RCC1: variants seen among roughly 807,000 people sequenced by gnomAD.
The protein encoded by RCC1 is regulator of chromosome condensation.
In RCC1, 11 loss-of-function variants were observed where a neutral mutation model predicts 44.4. The observed-to-expected ratio is 0.25, with a 90% CI of 0.16 to 0.41. The LOEUF (loss-of-function observed/expected upper bound fraction) is 0.41, where lower values mean the gene tolerates loss of function less well. Ranked by LOEUF, RCC1 falls within the 10% of genes least tolerant of loss-of-function variation. RCC1 has a pLI of 1.00. For synonymous variants in RCC1, 213 were observed against 216.5 expected, an observed-to-expected ratio of 0.98 and a Z score of 0.14; for missense variants, 386 against 547.1, an observed-to-expected ratio of 0.71 and a Z score of 2.94.
chr1:28,521,301 A>G (rs1393969236), intron 4 of RCC1, among the ~76,000 whole-genome samples: 1 of 151,822 alleles, frequency 6.6e-6, no homozygotes, highest in African/African-American at 2.4e-5. Flanking sequence ...GGAGATCGAG[A>G]CCATCCTGGC....
rs1332649259 is a variant in RCC1 at position 28,526,833 on chromosome 1, G to C, written c.-9-3025G>C. On this transcript the variant is annotated intron_variant, in intron 4 of 12. Transcript: ENST00000683442. ...ATTGGCTTGAACCCAGGAGGGGGAG[G>C]TTGCAGTGAGCCGAGATCGTGCCAC... 4 of 599,246 alleles carry C rather than the reference G, an allele frequency of 6.7e-6. No homozygotes were observed. In the East Asian group the frequency reaches 1.1e-4, roughly 17 times the overall value. The allele number at this position is 599,246 out of a possible 1,614,324, so 37.1% of individuals were successfully genotyped here.
chr1:28,533,872 TTTTTTTTTTTTTTTTTTTTTTTTGA>T (rs1664368408), intron 7 of RCC1, among the ~76,000 whole-genome samples: 1 of 23,782 alleles, frequency 4.2e-5, no homozygotes, highest in African/African-American at 3.3e-4. Context: ...TTTTTTTTTT[TTTTTTTTTTTTTTTTTTTTTTTTGA>T]GACAGAGTCT....
intron 1 of RCC1, chr1:28,507,554 A>G (rs1662081830): frequency 1.9e-6 from 1 of 517,766 alleles, no homozygotes; most frequent in African/African-American, 1.9e-5. Flanking sequence ...GGGGAGACAA[A>G]CCATGCAGGA....
chr1:28,509,746 T>TA (rs1662358083), intron 3 of RCC1: 1 of 152,200 alleles, frequency 6.6e-6, no homozygotes, highest in Non-Finnish European at 1.5e-5. Flanking sequence ...CCCTGAAACC[T>TA]AGTCTCAGGT....
chr1:28,533,256 C>T (rs1377887530), intron 7 of RCC1, among the ~76,000 whole-genome samples: 1 of 149,766 alleles, frequency 6.7e-6, no homozygotes, highest in African/African-American at 2.5e-5. Flanking sequence ...CAGATCACGA[C>T]GTCAGGAGAT....
Position 28,508,837 on chromosome 1 carries a change from G to A in RCC1, c.-221G>A, listed in dbSNP as rs1254178886. On this transcript the variant is annotated 5_prime_UTR_variant, in exon 3 of 13. Transcript: ENST00000683442. ...TTATTTCTTTTCTTTTAGGAGAGAA[G>A]ACGATCTGCACTTCGCATTTTGGCA... 2 of 517,450 alleles carry A rather than the reference G, an allele frequency of 3.9e-6. No homozygotes were observed. The highest frequency in any genetic ancestry group is 7.7e-6 in the Non-Finnish European group (2 of 259,260). 32.1% of individuals were successfully genotyped at this position (517,450 alleles called of 1,614,324 possible). A position where few individuals can be genotyped will look rare whatever the true frequency, so the allele number is the denominator to read the frequency against.
intron 4 of RCC1, among the ~76,000 whole-genome samples, chr1:28,519,502 C>T (rs535790432): frequency 6.6e-6 from 1 of 152,296 alleles, no homozygotes; most frequent in East Asian, 1.9e-4. Context: ...GGGCAACCCA[C>T]CCAGTCCCCC....
rs375267111 is a variant in RCC1 at position 28,511,410 on chromosome 1, T to G, written c.-153+2505T>G. 1.8e-3 allele frequency among the ~76,000 whole-genome samples: 262 copies of G among 144,970 alleles called. 2 individuals carry two copies. The highest frequency in any genetic ancestry group is 0.011 in the East Asian group (56 of 5,176). ...TCCAATTTTTTGTTTTTTGTTTTTT[T>G]TTTTTTTTGAGAGGGAGTCTCGCTC... On this transcript the variant is annotated intron_variant, in intron 3 of 12. Coordinates refer to ENST00000683442, the MANE Select transcript of RCC1 (RefSeq NM_001381865.2).
At chr1:28,519,868 C>T (rs947964601) in intron 4 of RCC1, among the ~76,000 whole-genome samples, 4 of 151,258 alleles carry the variant, frequency 2.6e-5, no homozygotes, top group Admixed American at 6.6e-5. Context: ...CCACCGCACC[C>T]GGCCAATTTT....
chr1:28,533,813 C>A (rs1570220523), intron 7 of RCC1, among the ~76,000 whole-genome samples: 1 of 104,318 alleles, frequency 9.6e-6, no homozygotes, highest in Non-Finnish European at 2.0e-5. Context: ...ATCAGAATAT[C>A]AGAATTATAT....
intron 3 of RCC1, 27 bp downstream of exon 3, chr1:28,508,932 G>A (rs767932223): frequency 2.0e-6 from 1 of 499,606 alleles, no homozygotes; most frequent in Admixed American, 2.1e-5. Context: ...TTTTAACAGG[G>A]AGGGTTTGAC....
At chr1:28,518,538 C>G (rs1663049748) in intron 4 of RCC1, 1 of 148,788 alleles carries the variant, frequency 6.7e-6, no homozygotes, top group Non-Finnish European at 1.5e-5. Context: ...CTCGCTGGAG[C>G]TAGGGCCGCG....
At chr1:28,512,075 A>ACCTCC (rs1466098913) in intron 3 of RCC1, among the ~76,000 whole-genome samples, 2 of 148,662 alleles carry the variant, frequency 1.3e-5, no homozygotes, top group Non-Finnish European at 3.0e-5. Flanking sequence ...CCTGGGTTCA[A>ACCTCC]GCGATTCTCC....
chr1:28,526,496 A>T (rs1663672779), intron 4 of RCC1: 2 of 581,774 alleles, frequency 3.4e-6, no homozygotes, highest in Middle Eastern at 2.9e-4. Context: ...CAAGACGGCT[A>T]AAGTGGGAAT....
At chr1:28,531,164 G>A (rs1289220612) in intron 5 of RCC1, among the ~76,000 whole-genome samples, 1 of 151,488 alleles carries the variant, frequency 6.6e-6, no homozygotes, top group African/African-American at 2.4e-5. Flanking sequence ...GGGAGGCAGA[G>A]GTTGCAATTA....
chr1:28,519,570 A>T (rs1663140579), intron 4 of RCC1, among the ~76,000 whole-genome samples: 1 of 145,718 alleles, frequency 6.9e-6, no homozygotes, highest in South Asian at 2.2e-4. Context: ...TGAGGATATA[A>T]TTTTTTTTTT....
intron 1 of RCC1, chr1:28,506,493 T>C (rs917488230): frequency 3.1e-6 from 1 of 322,056 alleles, no homozygotes. Context: ...CCGGAAATCA[T>C]GTAATTTAAA....
rs1013247544 is a variant in RCC1, at chr1:28,535,347, T to G, written c.628T>G (p.Leu210Val). 1 of 1,614,046 alleles carries G rather than the reference T, an allele frequency of 6.2e-7. No individual in the cohort carries two copies. The highest frequency in any genetic ancestry group is 1.3e-5 in the African/African-American group (1 of 74,924). Residue 210 changes from leucine (L) to valine (V), a missense_variant, in exon 9 of 13, where the codon TTA becomes GTA. Physicochemically the swap from Leu to Val is conservative, Grantham distance 32. Transcript: ENST00000683442. Reference sequence around the variant, plus strand: ...GGGCCAGCTAGGCCGTGTGCCTGAGTTATTTGCCAACCGTGGTGGCCGGCA... The same window carrying G: ...GGGCCAGCTAGGCCGTGTGCCTGAGGTATTTGCCAACCGTGGTGGCCGGCA... Reference protein sequence around the residue: ...EQGQLGRVPELFANRGGRQGL... With the variant: ...EQGQLGRVPEVFANRGGRQGL...
intron 7 of RCC1, among the ~76,000 whole-genome samples, chr1:28,533,685 G>C (rs1664326634): frequency 7.8e-6 from 1 of 127,968 alleles, no homozygotes; most frequent in South Asian, 2.9e-4. Flanking sequence ...CAGGAGAATT[G>C]TTTGAACCTG....
Sources: allele counts gnomAD v4.1 joint callset (sites outside exome capture counted in the v4.1 genomes callset), GRCh38; gene constraint gnomAD v4.1.1; transcripts MANE v1.5; gene names NCBI Gene and HGNC (gene_info 2026-07-23, HGNC 2026-07-21).